Variants in PSMD14 observed in about 807,000 individuals in gnomAD.
PSMD14 encodes proteasome 26S subunit, non-ATPase 14.
A neutral mutation model predicts 41.2 loss-of-function variants in PSMD14; 7 were observed. The observed-to-expected ratio is 0.17, with a 90% CI of 0.10 to 0.32. PSMD14 has a LOEUF of 0.32. Ranked by LOEUF, PSMD14 falls within the 10% of genes least tolerant of loss-of-function variation. The pLI is 1.00. For synonymous variants in PSMD14, 114 were observed against 122.3 expected, an observed-to-expected ratio of 0.93 and a Z score of 0.45; for missense variants, 139 against 375.6, an observed-to-expected ratio of 0.37 and a Z score of 5.21.
chr2:161,391,445 A>C (rs182128554), intron 9 of PSMD14, among the ~76,000 whole-genome samples: 9 of 152,290 alleles, frequency 5.9e-5, no homozygotes, highest in African/African-American at 2.2e-4. Flanking sequence ...ATAAGTCATA[A>C]AAATATTTCT....
At chr2:161,344,815 C>G (rs1312134734) in intron 3 of PSMD14, among the ~76,000 whole-genome samples, 1 of 152,206 alleles carries the variant, frequency 6.6e-6, no homozygotes, top group Non-Finnish European at 1.5e-5. Context: ...ATATGATTTT[C>G]AGATATTATC....
intron 7 of PSMD14, chr2:161,384,971 T>A (rs1683615321): frequency 6.6e-6 from 1 of 152,064 alleles, no homozygotes; most frequent in Non-Finnish European, 1.5e-5. Flanking sequence ...GGTATCTGAC[T>A]AGAAGAGAAT....
At chr2:161,348,414 G>A (rs1683074700) in intron 3 of PSMD14, among the ~76,000 whole-genome samples, 1 of 152,172 alleles carries the variant, frequency 6.6e-6, no homozygotes, top group Non-Finnish European at 1.5e-5. Context: ...AAAACAGTCA[G>A]CTGGTTTGCC....
At chr2:161,409,655 C>G (rs2105274621) in intron 11 of PSMD14, 1 of 152,112 alleles carries the variant, frequency 6.6e-6, no homozygotes, top group East Asian at 1.9e-4. Context: ...TAAGAATCAC[C>G]CAGCTGCCAC....
At chr2:161,353,765 CTACT>C (rs766716254) in intron 3 of PSMD14, among the ~76,000 whole-genome samples, 38 of 152,102 alleles carry the variant, frequency 2.5e-4, no homozygotes, top group Admixed American at 2.2e-3. Context: ...AGGGACTTTC[CTACT>C]TGTGTGTAGC....
chr2:161,405,004 A>T (rs1479838887), intron 10 of PSMD14, among the ~76,000 whole-genome samples: 2 of 152,126 alleles, frequency 1.3e-5, no homozygotes, highest in Non-Finnish European at 2.9e-5. Context: ...ACTGTCTGAG[A>T]CCTTTCCAGT....
At chr2:161,395,312 A>C (rs1169703332) in intron 10 of PSMD14, 109 bp downstream of exon 10, 10 of 1,095,454 alleles carry the variant, frequency 9.1e-6, no homozygotes, top group Non-Finnish European at 1.3e-5. Context: ...TTGTAAATAA[A>C]ATAGTAAATA....
At chr2:161,372,264 T>C (rs1021329229) in intron 7 of PSMD14, among the ~76,000 whole-genome samples, 1 of 152,152 alleles carries the variant, frequency 6.6e-6, no homozygotes, top group Non-Finnish European at 1.5e-5. Context: ...CAATCCTTTT[T>C]ATGCAGGTTT....
At chr2:161,318,918 A>G (rs1689173789) in intron 3 of PSMD14, 45 bp downstream of exon 3, 1 of 1,517,010 alleles carries the variant, frequency 6.6e-7, no homozygotes, top group East Asian at 2.3e-5. Flanking sequence ...GTAAACTACA[A>G]GCCTTTTTGT....
intron 3 of PSMD14, among the ~76,000 whole-genome samples, chr2:161,362,355 T>G (rs1273627585): frequency 6.6e-6 from 1 of 152,254 alleles, no homozygotes; most frequent in Non-Finnish European, 1.5e-5. Context: ...GCCTATATAG[T>G]TACCTGGATA....
chr2:161,382,875 C>G (rs533005397), intron 7 of PSMD14: 2 of 151,652 alleles, frequency 1.3e-5, no homozygotes, highest in African/African-American at 4.8e-5. Context: ...CCCTACCAAC[C>G]CATACATTAA....
intron 3 of PSMD14, among the ~76,000 whole-genome samples, chr2:161,352,591 C>G (rs1683135311): frequency 6.6e-6 from 1 of 152,096 alleles, no homozygotes; most frequent in South Asian, 2.1e-4. Context: ...TTGTCATATA[C>G]CCAGTGCATG....
chr2:161,328,906 A>G (rs1162226071), intron 3 of PSMD14, among the ~76,000 whole-genome samples: 1 of 152,176 alleles, frequency 6.6e-6, no homozygotes, highest in Non-Finnish European at 1.5e-5. Context: ...AACATTAAAT[A>G]ACATTAAATA....
intron 11 of PSMD14, 64 bp downstream of exon 11, chr2:161,408,963 GTT>G (rs1683991079): frequency 7.6e-7 from 1 of 1,321,082 alleles, no homozygotes; most frequent in African/African-American, 1.5e-5. Flanking sequence ...AGTTAAAACT[GTT>G]TTAGGGCCTA....
chr2:161,399,150 T>G (rs922948800), intron 10 of PSMD14, among the ~76,000 whole-genome samples: 1 of 152,042 alleles, frequency 6.6e-6, no homozygotes, highest in African/African-American at 2.4e-5. Context: ...GTGAAGAAAA[T>G]GAAAAACATT....
At chr2:161,309,591 C>T (rs923520698) in intron 1 of PSMD14, among the ~76,000 whole-genome samples, 1 of 152,122 alleles carries the variant, frequency 6.6e-6, no homozygotes, top group African/African-American at 2.4e-5. Context: ...GGTGGCCTTC[C>T]TGTCACGTAA....
At chr2:161,377,224 C>T (rs1291705163) in intron 7 of PSMD14, among the ~76,000 whole-genome samples, 3 of 151,932 alleles carry the variant, frequency 2.0e-5, no homozygotes, top group Non-Finnish European at 2.9e-5. Context: ...ATAAATTATA[C>T]ACACCTCTTT....
At chr2:161,401,896 T>C (rs1307702276) in intron 10 of PSMD14, among the ~76,000 whole-genome samples, 5 of 152,284 alleles carry the variant, frequency 3.3e-5, no homozygotes, top group Admixed American at 6.5e-5. Flanking sequence ...CCCAGTGTCA[T>C]TGCTTATTGT....
At chr2:161,335,631 T>A (rs114414258) in intron 3 of PSMD14, among the ~76,000 whole-genome samples, 10 of 152,254 alleles carry the variant, frequency 6.6e-5, no homozygotes, top group Non-Finnish European at 1.0e-4. Context: ...TCTACTGATA[T>A]ACACTTAGGT....
Sources: gnomAD v4.1 joint callset for allele counts (sites outside exome capture counted in the v4.1 genomes callset) on GRCh38, gnomAD v4.1.1 for gene constraint, MANE v1.5 for transcripts, NCBI Gene and HGNC (gene_info 2026-07-23, HGNC 2026-07-21) for gene names.